Variants in PSPH observed in about 807,000 individuals in gnomAD.
PSPH encodes L-3-phosphoserine phosphatase.
Under a neutral mutation model 23.4 loss-of-function variants are expected in PSPH, and 16 were observed. The observed-to-expected ratio is 0.68, with a 90% CI of 0.46 to 1.04. PSPH has a LOEUF of 1.04. PSPH is among the 50% of genes least tolerant of loss of function. The pLI, the probability that PSPH is intolerant of heterozygous loss-of-function variation, is 0.00. For missense variants in PSPH, 223 were observed against 273.7 expected (o/e 0.81, Z 1.31); for synonymous variants, 68 against 99.7 (o/e 0.68, Z 1.89).
intron 3 of PSPH, among the ~76,000 whole-genome samples, chr7:56,027,573 G>C (rs1310759946): frequency 1.3e-5 from 2 of 151,436 alleles, no homozygotes; most frequent in Non-Finnish European, 2.9e-5. Flanking sequence ...TGTAATCCCA[G>C]CTACTCAGGA....
chr7:56,016,123 A>G (rs941576077), intron 6 of PSPH, among the ~76,000 whole-genome samples: 1 of 151,452 alleles, frequency 6.6e-6, no homozygotes, highest in African/African-American at 2.4e-5. Context: ...TTCTGTTAAC[A>G]TACAGTGGCT....
chr7:56,013,138 C>T (rs1382010135), intron 7 of PSPH, among the ~76,000 whole-genome samples: 10 of 123,054 alleles, frequency 8.1e-5, no homozygotes, highest in Admixed American at 2.8e-4. Flanking sequence ...CATATATATA[C>T]GTATATGTGT....
At chr7:56,046,527 T>C (rs1184074546) in intron 1 of PSPH, among the ~76,000 whole-genome samples, 2 of 152,100 alleles carry the variant, frequency 1.3e-5, no homozygotes, top group South Asian at 2.1e-4. Flanking sequence ...GGCTTACACC[T>C]GTAATCCCAG....
At chr7:56,027,463 C>A (rs527791174) in intron 3 of PSPH, among the ~76,000 whole-genome samples, 1 of 151,600 alleles carries the variant, frequency 6.6e-6, no homozygotes. Context: ...CGGTGGCTCA[C>A]GCCTGTAATC....
chr7:56,026,485 T>C (rs1790203647), intron 3 of PSPH, among the ~76,000 whole-genome samples: 1 of 82,332 alleles, frequency 1.2e-5, no homozygotes, highest in Admixed American at 1.9e-4. Flanking sequence ...CGAGACTCCA[T>C]CTCAAAAAAA....
At chr7:56,012,448 T>C (rs763585210) in intron 7 of PSPH, among the ~76,000 whole-genome samples, 14 of 152,120 alleles carry the variant, frequency 9.2e-5, no homozygotes, top group Non-Finnish European at 1.9e-4. Flanking sequence ...CCCAAAGTGC[T>C]GGGATCACAG....
In PSPH at chr7:56,011,763, T is replaced by C. The variant is rs1369595763; in HGVS notation, c.677A>G (p.Ter226=). ...TTTGGAGCTGTACGACAATGGATGT[T>C]ATTCTTCCAGTTCTCCCAGCAGCTC... ...FVELLGELEE[*] The change falls in exon 8 of 8, where the codon TAA becomes TGA. Residue 226 remains the stop codon, a stop_retained_variant. Transcript: ENST00000275605. 9 of 1,607,850 alleles carry C rather than the reference T, an allele frequency of 5.6e-6. No homozygotes were observed. In the South Asian group the frequency reaches 8.8e-5, roughly 16 times the overall value.
intron 1 of PSPH, among the ~76,000 whole-genome samples, 181 bp downstream of exon 1, chr7:56,050,957 T>G (rs533495601): frequency 1.3e-5 from 2 of 152,074 alleles, no homozygotes; most frequent in Non-Finnish European, 2.9e-5. Flanking sequence ...GGCGGGAGGA[T>G]CACTTGAACT....
chr7:56,048,215 G>A (rs1793508155), intron 1 of PSPH, among the ~76,000 whole-genome samples: 1 of 151,620 alleles, frequency 6.6e-6, no homozygotes, highest in Admixed American at 6.6e-5. Flanking sequence ...AGGAGGCGGA[G>A]GCTGCAGTGA....
At chr7:56,016,729 C>T (rs954168450) in intron 6 of PSPH, among the ~76,000 whole-genome samples, 1 of 151,940 alleles carries the variant, frequency 6.6e-6, no homozygotes, top group African/African-American at 2.4e-5. Flanking sequence ...TGCCACCATG[C>T]CCAGCTAATT....
intron 3 of PSPH, among the ~76,000 whole-genome samples, chr7:56,031,104 G>A (rs1490576366): frequency 4.6e-5 from 7 of 151,186 alleles, no homozygotes; most frequent in Admixed American, 2.0e-4. Flanking sequence ...CCAGCTACTC[G>A]GGAGGCTGAG....
chr7:56,028,048 C>CAA (rs35662903), intron 3 of PSPH, among the ~76,000 whole-genome samples: 165 of 114,428 alleles, frequency 1.4e-3, no homozygotes, highest in Non-Finnish European at 2.4e-3. Flanking sequence ...GACCCTGCCT[C>CAA]AAAAAAAAAA....
At chr7:56,030,221 T>A (rs1223530840) in intron 3 of PSPH, among the ~76,000 whole-genome samples, 1 of 151,734 alleles carries the variant, frequency 6.6e-6, no homozygotes, top group Non-Finnish European at 1.5e-5. Flanking sequence ...GTGATTCTCA[T>A]GCCTCAGCCT....
At chr7:56,031,281 G>A (rs1341402312) in intron 3 of PSPH, among the ~76,000 whole-genome samples, 2 of 152,100 alleles carry the variant, frequency 1.3e-5, no homozygotes, top group Non-Finnish European at 2.9e-5. Context: ...GAAGGCAGGG[G>A]AAGGAGGGCA....
chr7:56,031,610 C>T (rs1201685458), intron 3 of PSPH, among the ~76,000 whole-genome samples: 2 of 151,982 alleles, frequency 1.3e-5, no homozygotes, highest in East Asian at 1.9e-4. Flanking sequence ...GTCAGGAGTT[C>T]GAGACCAGCC....
chr7:56,021,425 C>CTT (rs60876463), intron 3 of PSPH, among the ~76,000 whole-genome samples, 194 bp from the exon 4 acceptor site: 23,341 of 130,792 alleles, frequency 0.18, 2,198 homozygotes, highest in South Asian at 0.25. Flanking sequence ...TTCTTTCTTT[C>CTT]TTTTTTTTTT....
intron 1 of PSPH, among the ~76,000 whole-genome samples, chr7:56,048,279 T>G (rs1268907832): frequency 8.8e-6 from 1 of 113,146 alleles, no homozygotes; most frequent in African/African-American, 2.9e-5. Flanking sequence ...CACTCTGTCT[T>G]TAAAAAATTT....
intron 1 of PSPH, among the ~76,000 whole-genome samples, chr7:56,046,801 A>G (rs925951535): frequency 4.6e-5 from 7 of 150,732 alleles, no homozygotes; most frequent in African/African-American, 1.7e-4. Context: ...TCCACCTCAA[A>G]AAAAAAAAAA....
intron 5 of PSPH, among the ~76,000 whole-genome samples, chr7:56,018,438 C>A (rs762909187): frequency 6.6e-6 from 1 of 152,016 alleles, no homozygotes; most frequent in Admixed American, 6.6e-5. Flanking sequence ...CCCAGAAAAA[C>A]ACAAGATGAG....
Sources: gnomAD v4.1 joint callset for allele counts (sites outside exome capture counted in the v4.1 genomes callset) on GRCh38, gnomAD v4.1.1 for gene constraint, MANE v1.5 for transcripts, NCBI Gene and HGNC (gene_info 2026-07-23, HGNC 2026-07-21) for gene names.